ACADM: variants seen among roughly 807,000 people sequenced by gnomAD.
The protein encoded by ACADM is acyl-CoA dehydrogenase medium chain.
In ACADM, 49 loss-of-function variants were observed where a neutral mutation model predicts 58.9. That is an observed-to-expected ratio of 0.83 (90% CI 0.66 to 1.06). The LOEUF is 1.06. ACADM is among the 50% of genes least tolerant of loss of function. ACADM has a pLI of 0.00. For missense variants in ACADM, 496 were observed against 507.0 expected, an observed-to-expected ratio of 0.98 and a Z score of 0.21; for synonymous variants, 160 against 157.7, an observed-to-expected ratio of 1.01 and a Z score of -0.11.
In ACADM at chr1:75,749,483, C is replaced by A. The variant is rs1022879056; in HGVS notation, c.773C>A (p.Pro258His). 6.2e-7 allele frequency: 1 copy of A among 1,614,020 alleles called. No individual in the cohort carries two copies. Among genetic ancestry groups the A allele is most frequent in the South Asian group, 1.1e-5 (1 of 91,070 alleles). The change falls in exon 9 of 12, where the codon CCT becomes CAT. Residue 258 changes from proline to histidine, a missense_variant. By Grantham distance (77) the Pro-to-His change is moderately conservative. Coordinates refer to ENST00000370841, the MANE Select transcript of ACADM (RefSeq NM_000016.6). ...ATTGTCTTCGAAGATGTGAAAGTGC[C>A]TAAAGAAAATGTTTTAATTGGTGAC... is the stretch of plus-strand genomic sequence containing the variant. ...RGIVFEDVKVPKENVLIGDGA... is the reference protein window; with the variant it reads ...RGIVFEDVKVHKENVLIGDGA...
intron 7 of ACADM, chr1:75,744,268 G>A: frequency 1.2e-6 from 2 of 1,612,894 alleles, no homozygotes; most frequent in Non-Finnish European, 1.7e-6. Flanking sequence ...AACTGCCGCT[G>A]CTATAGGTTC....
intron 7 of ACADM, among the ~76,000 whole-genome samples, chr1:75,742,510 A>T (rs1362081447): frequency 2.0e-5 from 3 of 152,170 alleles, no homozygotes; most frequent in African/African-American, 7.2e-5. Context: ...TGAAAAGCTC[A>T]AGGCAATCTG....
intron 6 of ACADM, among the ~76,000 whole-genome samples, chr1:75,737,325 T>TATAC (rs1647326708): frequency 1.9e-5 from 2 of 103,286 alleles, no homozygotes; most frequent in African/African-American, 7.3e-5. Flanking sequence ...TATATATATA[T>TATAC]ATGAAACCAA....
intron 5 of ACADM, 63 bp downstream of exon 5, chr1:75,733,691 A>T: frequency 1.5e-6 from 2 of 1,356,856 alleles, no homozygotes; most frequent in Non-Finnish European, 2.1e-6. Context: ...TTACTCCTGA[A>T]GAAGTTGGAT....
At chr1:75,748,619 A>G (rs907381998) in intron 8 of ACADM, among the ~76,000 whole-genome samples, 3 of 152,228 alleles carry the variant, frequency 2.0e-5, no homozygotes, top group African/African-American at 7.2e-5. Flanking sequence ...AAAGTCAGAC[A>G]CAGAAAGCGG....
At chr1:75,744,323 T>C (rs1279346236) in intron 7 of ACADM, 3 of 1,613,044 alleles carry the variant, frequency 1.9e-6, no homozygotes, top group African/African-American at 1.3e-5. Flanking sequence ...GGCTTGGCCT[T>C]AGCAGGAGCA....
chr1:75,743,815 A>G (rs539864835), intron 7 of ACADM: 61 of 1,440,650 alleles, frequency 4.2e-5, no homozygotes, highest in South Asian at 3.1e-4. Context: ...TGGGGTGGCC[A>G]CTGCAACACT....
chr1:75,757,085 G>T (rs1301311620), intron 10 of ACADM, among the ~76,000 whole-genome samples: 1 of 152,160 alleles, frequency 6.6e-6, no homozygotes, highest in Non-Finnish European at 1.5e-5. Flanking sequence ...TTAAATGTTA[G>T]ACCTAAAACC....
chr1:75,761,337 A>G lies in ACADM; in HGVS notation c.1161A>G (p.Val387=), dbSNP rs1061337. Residue 387 remains valine (V), a synonymous_variant, in exon 11 of 12, where the codon GTA becomes GTG. Coordinates refer to ENST00000370841, the MANE Select transcript of ACADM (RefSeq NM_000016.6). The part of the protein sequence containing the change: ...GGNGFNTEYP[V]EKLMRDAKIY... ...ATGGATTTAATACAGAATATCCTGTAGAAAAACTAATGAGGGATGCCAAAA... is the reference window on the plus strand; with the variant it reads ...ATGGATTTAATACAGAATATCCTGTGGAAAAACTAATGAGGGATGCCAAAA... The G allele has an allele frequency of 0.27, 436,742 of 1,613,518 alleles. 62,204 individuals carry two copies. Among genetic ancestry groups the G allele is most frequent in the Non-Finnish European group, 0.3 (353,450 of 1,179,586 alleles).
At chr1:75,757,286 A>C (rs1648561545) in intron 10 of ACADM, among the ~76,000 whole-genome samples, 1 of 152,224 alleles carries the variant, frequency 6.6e-6, no homozygotes, top group Non-Finnish European at 1.5e-5. Context: ...ACAGAATGGG[A>C]GAAAATTTTT....
chr1:75,732,472 T>C, intron 2 of ACADM, 172 bp from the exon 3 acceptor site: 1 of 639,798 alleles, frequency 1.6e-6, no homozygotes. Flanking sequence ...TGACATAGGT[T>C]TATTTATATT....
At chr1:75,725,026 AG>A (rs1647027234) in intron 1 of ACADM, among the ~76,000 whole-genome samples, 1 of 152,092 alleles carries the variant, frequency 6.6e-6, no homozygotes, top group Non-Finnish European at 1.5e-5. Flanking sequence ...TCCTCCCGTC[AG>A]GCGACCCCGT....
chr1:75,737,940 G>A (rs1020468691), intron 6 of ACADM, among the ~76,000 whole-genome samples: 6 of 151,832 alleles, frequency 4.0e-5, no homozygotes, highest in East Asian at 1.9e-4. Context: ...TTTTTGAGAC[G>A]GAGTCTCGCT....
chr1:75,724,737 C>G lies in ACADM; in HGVS notation c.-51C>G. The G allele has an allele frequency of 6.5e-7, 1 of 1,543,006 alleles. No individual in the cohort carries two copies. The highest frequency in any genetic ancestry group is 1.2e-5 in the South Asian group (1 of 83,252). The stretch of plus-strand genomic sequence containing the variant: ...GGAGTCCCGCGTTCGGGGAGTATGT[C>G]AAGGCCGTGACCCGTGTATTATTGT... On this transcript the variant is annotated 5_prime_UTR_variant, in exon 1 of 12. It introduces an in-frame stop codon into an upstream open reading frame of the 5' UTR. Transcript: ENST00000370841.
At chr1:75,761,074 T>C in intron 10 of ACADM, 48 bp from the exon 11 acceptor site, 1 of 1,567,178 alleles carries the variant, frequency 6.4e-7, no homozygotes, top group Non-Finnish European at 8.7e-7. Flanking sequence ...AAAAAACTTT[T>C]AAGTTTTCTC....
At chr1:75,751,196 C>T (rs556047473) in intron 10 of ACADM, among the ~76,000 whole-genome samples, 2 of 151,138 alleles carry the variant, frequency 1.3e-5, no homozygotes, top group Non-Finnish European at 3.0e-5. Flanking sequence ...AAAAATTAGC[C>T]GAGCATGGTG....
At chr1:75,750,573 C>G in intron 10 of ACADM, 27 bp downstream of exon 10, 1 of 1,433,040 alleles carries the variant, frequency 7.0e-7, no homozygotes, top group Non-Finnish European at 9.8e-7. Flanking sequence ...TTGCTTTGTT[C>G]AAATGTAAAG....
At chr1:75,754,765 G>T (rs371058029) in intron 10 of ACADM, among the ~76,000 whole-genome samples, 1 of 152,164 alleles carries the variant, frequency 6.6e-6, no homozygotes, top group Non-Finnish European at 1.5e-5. Context: ...GGGATTTGTC[G>T]TACAGTGGGC....
At chr1:75,726,250 A>G (rs1647054095) in intron 1 of ACADM, among the ~76,000 whole-genome samples, 1 of 152,052 alleles carries the variant, frequency 6.6e-6, no homozygotes, top group Admixed American at 6.6e-5. Context: ...TTTACTAAAA[A>G]TAGGAAAAAT....
Sources: gnomAD v4.1 joint callset for allele counts (sites outside exome capture counted in the v4.1 genomes callset) on GRCh38, gnomAD v4.1.1 for gene constraint, MANE v1.5 for transcripts, NCBI Gene and HGNC (gene_info 2026-07-23, HGNC 2026-07-21) for gene names.